LAMA1: variants seen among roughly 807,000 people sequenced by gnomAD.
LAMA1 encodes the protein laminin subunit alpha-1.
In LAMA1, 219 loss-of-function variants were observed where a neutral mutation model predicts 348.7. The observed-to-expected ratio is 0.63, with a 90% confidence interval of 0.56 to 0.70. The LOEUF is 0.70. Ranked by LOEUF, LAMA1 falls within the 30% of genes least tolerant of loss-of-function variation. The pLI, the probability that LAMA1 is intolerant of heterozygous loss-of-function variation, is 0.00. For synonymous variants in LAMA1, 1,487 were observed against 1,491.0 expected, an observed-to-expected ratio of 1.00 and a Z score of 0.06; for missense variants, 3,744 against 3,888.0, an observed-to-expected ratio of 0.96 and a Z score of 0.99.
At chr18:7,000,406 C>G (rs772643629) in intron 30 of LAMA1, among the ~76,000 whole-genome samples, 1 of 152,146 alleles carries the variant, frequency 6.6e-6, no homozygotes, top group East Asian at 1.9e-4. Context: ...GCTGAACACA[C>G]GCTGACGAAA....
chr18:6,966,610 T>A (rs542547157), intron 48 of LAMA1, among the ~76,000 whole-genome samples: 13 of 152,306 alleles, frequency 8.5e-5, no homozygotes, highest in African/African-American at 2.9e-4. Context: ...CTAATCTCCT[T>A]TAATATAACT....
At chr18:6,992,286 A>G (rs999408569) in intron 36 of LAMA1, among the ~76,000 whole-genome samples, 12 of 152,228 alleles carry the variant, frequency 7.9e-5, no homozygotes, top group Non-Finnish European at 1.6e-4. Context: ...TGTTTGTGCT[A>G]AGTGGAAACA....
At position 6,965,318 on chromosome 18, in the gene LAMA1, T is replaced by C; in HGVS notation, c.7165A>G (p.Lys2389Glu). 1 of 1,614,234 alleles carries C rather than the reference T, an allele frequency of 6.2e-7. No individual in the cohort carries two copies. Residue 2389 changes from lysine to glutamate, a missense_variant, in exon 50 of 63, where the codon AAA (lysine) becomes GAA (glutamate). By Grantham distance (56) the Lys-to-Glu change is moderately conservative. This residue lies in a region of LAMA1 where 1,983 missense variants were observed against 1,934.3 expected (regional missense o/e 1.03). Coordinates refer to ENST00000389658, the MANE Select transcript of LAMA1 (RefSeq NM_005559.4). ...DRRYNNGTWY[K>E]IAFQRNRKQG... is the part of the protein sequence containing the mutation. Reference sequence around the variant, plus strand: ...TTCCGGTTTCGCTGGAAGGCAATTTTGTACCAGGTTCCATTGTTATAACGT... The same window carrying C: ...TTCCGGTTTCGCTGGAAGGCAATTTCGTACCAGGTTCCATTGTTATAACGT...
At chr18:7,042,039 C>T in intron 9 of LAMA1, 106 bp downstream of exon 9, 1 of 811,314 alleles carries the variant, frequency 1.2e-6, no homozygotes, top group Non-Finnish European at 2.1e-6. Flanking sequence ...ACAAAAGAAT[C>T]AATAATCATG....
At chr18:6,965,022 GA>G (rs1196437679) in intron 50 of LAMA1, among the ~76,000 whole-genome samples, 1 of 152,146 alleles carries the variant, frequency 6.6e-6, no homozygotes, top group African/African-American at 2.4e-5. Flanking sequence ...GCATGTGGAA[GA>G]AAACAGAATG....
chr18:7,043,642 G>A (rs112537193), intron 7 of LAMA1, among the ~76,000 whole-genome samples: 4,430 of 152,114 alleles, frequency 0.029, 207 homozygotes, highest in African/African-American at 0.099. Flanking sequence ...ATTATATTTC[G>A]CAGAAGTACT....
At chr18:7,107,736 C>T (rs1319922806) in intron 1 of LAMA1, among the ~76,000 whole-genome samples, 1 of 152,108 alleles carries the variant, frequency 6.6e-6, no homozygotes, top group Non-Finnish European at 1.5e-5. Context: ...CTCTAAAATA[C>T]TTTCTCAGTG....
intron 37 of LAMA1, 60 bp from the exon 38 acceptor site, chr18:6,985,703 G>T: frequency 9.9e-7 from 1 of 1,011,928 alleles, no homozygotes; most frequent in Non-Finnish European, 1.6e-6. Flanking sequence ...TCTGACCTTT[G>T]GTGCCTAATG....
chr18:7,007,961 ATCTC>A (rs1028685523), intron 28 of LAMA1, among the ~76,000 whole-genome samples: 6 of 146,176 alleles, frequency 4.1e-5, no homozygotes, highest in Admixed American at 2.7e-4. Flanking sequence ...GAGACGGAGT[ATCTC>A]TCTGTCACTC....
Position 7,013,846 on chromosome 18 carries a change from C to T in LAMA1, c.3332G>A (p.Cys1111Tyr). The change falls in exon 23 of 63, where the codon TGT becomes TAT. Residue 1111 changes from cysteine to tyrosine, a missense_variant. Coordinates refer to ENST00000389658, the MANE Select transcript of LAMA1 (RefSeq NM_005559.4). The stretch of plus-strand genomic sequence containing the variant: ...AGGGCAGGCCCCGGTTTCCTCCACA[C>T]AGCCGCAGAGACCCTGCTCCAGGTT... ...ACNLEQGLCG[C>Y]VEETGACPCK... is the part of the protein sequence containing the mutation. 6.2e-7 allele frequency: 1 copy of T among 1,611,750 alleles called. No individual in the cohort carries two copies. Among genetic ancestry groups the T allele is most frequent in the Non-Finnish European group, 8.5e-7 (1 of 1,178,856 alleles).
chr18:7,073,249 G>A (rs2058153209), intron 3 of LAMA1, among the ~76,000 whole-genome samples: 1 of 152,066 alleles, frequency 6.6e-6, no homozygotes, highest in South Asian at 2.1e-4. Flanking sequence ...ACTTTTTTAA[G>A]TTGTAGAAAA....
intron 33 of LAMA1, among the ~76,000 whole-genome samples, chr18:6,997,058 T>C (rs4239331): frequency 0.61 from 87,185 of 143,326 alleles, 27,043 homozygotes; most frequent in East Asian, 0.88. Flanking sequence ...TTTTCTTCTC[T>C]TTTTCTTTTT....
At chr18:7,070,897 TCTTGATC>T (rs2058143049) in intron 3 of LAMA1, among the ~76,000 whole-genome samples, 1 of 132,488 alleles carries the variant, frequency 7.5e-6, no homozygotes, top group Admixed American at 8.1e-5. Flanking sequence ...TTTTCCTGCT[TCTTGATC>T]AAAAAAAAAA....
chr18:6,947,332 C>T (rs780862492), intron 60 of LAMA1, 36 bp from the exon 61 acceptor site: 39 of 1,612,144 alleles, frequency 2.4e-5, no homozygotes, highest in Admixed American at 3.3e-5. Context: ...TCAGGGTGAG[C>T]GCTGCCAGGC....
chr18:7,018,330 C>A (rs1430161658), intron 19 of LAMA1, among the ~76,000 whole-genome samples: 2 of 89,648 alleles, frequency 2.2e-5, no homozygotes, highest in African/African-American at 7.3e-5. Flanking sequence ...GTGTGAAACT[C>A]CATCTCAAAA....
At chr18:7,058,879 T>A (rs191903791) in intron 3 of LAMA1, among the ~76,000 whole-genome samples, 123 of 152,284 alleles carry the variant, frequency 8.1e-4, no homozygotes, top group African/African-American at 2.8e-3. Context: ...GGACTGTCTG[T>A]TAGTATGTAG....
chr18:6,973,822 C>A (rs1384113545), intron 46 of LAMA1, among the ~76,000 whole-genome samples: 1 of 152,142 alleles, frequency 6.6e-6, no homozygotes, highest in Non-Finnish European at 1.5e-5. Context: ...GCTCTGTCGC[C>A]CAGACTGGAA....
At chr18:6,979,709 C>G (rs1009046238) in intron 42 of LAMA1, among the ~76,000 whole-genome samples, 8 of 152,170 alleles carry the variant, frequency 5.3e-5, no homozygotes, top group Admixed American at 2.6e-4. Flanking sequence ...ACCATCCTGG[C>G]TAACACGGTG....
chr18:7,049,833 A>G (rs2058055775), intron 4 of LAMA1, among the ~76,000 whole-genome samples: 1 of 152,190 alleles, frequency 6.6e-6, no homozygotes, highest in African/African-American at 2.4e-5. Context: ...TGTTTTCCTG[A>G]ATGTAAATTA....
Sources: gnomAD v4.1 joint callset for allele counts (sites outside exome capture counted in the v4.1 genomes callset) on GRCh38, gnomAD v4.1.1 for gene constraint, gnomAD v4.1.1 regional missense constraint, MANE v1.5 for transcripts, NCBI Gene and HGNC (gene_info 2026-07-23, HGNC 2026-07-21) for gene names.